The following SLC25A13 variants were observed in gnomAD, a reference collection of about 807,000 sequenced individuals.
SLC25A13 encodes electrogenic aspartate/glutamate antiporter SLC25A13, mitochondrial.
Under a neutral mutation model 85.5 loss-of-function variants are expected in SLC25A13, and 70 were observed. That is an observed-to-expected ratio of 0.82 (90% CI 0.68 to 1.00). The LOEUF is 1.00. SLC25A13 is among the 50% of genes least tolerant of loss of function. The pLI, the probability that SLC25A13 is intolerant of heterozygous loss-of-function variation, is 0.00. For synonymous variants in SLC25A13, 259 were observed against 288.7 expected, an observed-to-expected ratio of 0.90 and a Z score of 1.04; for missense variants, 765 against 819.8, an observed-to-expected ratio of 0.93 and a Z score of 0.82.
chr7:96,157,540 A>C (rs1397386853), intron 13 of SLC25A13, among the ~76,000 whole-genome samples: 1 of 152,190 alleles, frequency 6.6e-6, no homozygotes, highest in Non-Finnish European at 1.5e-5. Flanking sequence ...GCCGTGGCTC[A>C]CACCTGTAAT....
chr7:96,253,298 A>G (rs940848850), intron 3 of SLC25A13, among the ~76,000 whole-genome samples: 12 of 152,184 alleles, frequency 7.9e-5, no homozygotes, highest in African/African-American at 2.9e-4. Context: ...GAGGAAAGGA[A>G]TAAGAGAGGG....
intron 13 of SLC25A13, among the ~76,000 whole-genome samples, chr7:96,153,875 A>G (rs1793144696): frequency 6.6e-6 from 1 of 152,262 alleles, no homozygotes; most frequent in African/African-American, 2.4e-5. Flanking sequence ...TGGCATTAAT[A>G]AAGAATAACT....
At chr7:96,251,900 G>A (rs1797442703) in intron 3 of SLC25A13, among the ~76,000 whole-genome samples, 1 of 152,174 alleles carries the variant, frequency 6.6e-6, no homozygotes, top group Non-Finnish European at 1.5e-5. Flanking sequence ...CTGTGTGTTG[G>A]AAACCAACCT....
chr7:96,289,739 T>A (rs1799040566), intron 2 of SLC25A13, among the ~76,000 whole-genome samples: 1 of 152,110 alleles, frequency 6.6e-6, no homozygotes, highest in Non-Finnish European at 1.5e-5. Flanking sequence ...GAACAAAGCC[T>A]CCAAGAAATA....
intron 3 of SLC25A13, among the ~76,000 whole-genome samples, chr7:96,249,879 C>CAAAAA (rs11368398): frequency 9.0e-6 from 1 of 111,648 alleles, no homozygotes; most frequent in Non-Finnish European, 1.8e-5. Flanking sequence ...CTTAACTTAG[C>CAAAAA]AAAAAAAAAA....
chr7:96,137,864 C>A (rs1156661581), intron 14 of SLC25A13, among the ~76,000 whole-genome samples: 2 of 152,240 alleles, frequency 1.3e-5, no homozygotes, highest in Non-Finnish European at 2.9e-5. Context: ...ACCTTGTGAT[C>A]TGCCCGCCTC....
At chr7:96,202,342 A>G (rs1795290175) in intron 5 of SLC25A13, among the ~76,000 whole-genome samples, 1 of 152,224 alleles carries the variant, frequency 6.6e-6, no homozygotes, top group Non-Finnish European at 1.5e-5. Flanking sequence ...AATGAGGACC[A>G]GAGTAAAACT....
chr7:96,225,263 C>G (rs78942728), intron 4 of SLC25A13, among the ~76,000 whole-genome samples: 2,234 of 152,188 alleles, frequency 0.015, 52 homozygotes, highest in African/African-American at 0.051. Context: ...TCAGGAACAG[C>G]CCAGTGTGCA....
intron 2 of SLC25A13, among the ~76,000 whole-genome samples, chr7:96,292,052 T>C (rs145486274): frequency 6.6e-6 from 1 of 152,080 alleles, no homozygotes; most frequent in East Asian, 1.9e-4. Context: ...CAAACCAAAT[T>C]CAGCAGCACA....
chr7:96,247,513 C>T (rs1364283806), intron 3 of SLC25A13, among the ~76,000 whole-genome samples: 3 of 152,016 alleles, frequency 2.0e-5, no homozygotes, highest in Non-Finnish European at 2.9e-5. Context: ...AAAATGTACT[C>T]GATCCTATAA....
At position 96,274,056 on chromosome 7, in the gene SLC25A13, A is replaced by G. The variant is rs916260606; in HGVS notation, c.212+3140T>C. On this transcript the variant is annotated intron_variant, in intron 3 of 17. Coordinates refer to ENST00000265631, the MANE Select transcript of SLC25A13 (RefSeq NM_014251.3). ...GGTAGAAAACAAAGGTAAGAAGGTT[A>G]AAAAGGAAACCTTCTGCCGCTGGAA... Among the ~76,000 whole-genome samples the G allele has an allele frequency of 5.9e-5, 9 of 152,320 alleles. No individual in the cohort carries two copies. The South Asian group carries it at 1.9e-3, about 32-fold the overall frequency.
At chr7:96,217,623 C>A (rs1795944187) in intron 4 of SLC25A13, among the ~76,000 whole-genome samples, 2 of 152,032 alleles carry the variant, frequency 1.3e-5, no homozygotes, top group South Asian at 4.1e-4. Flanking sequence ...TAAAAGAAAC[C>A]AATCATGAAA....
chr7:96,128,938 T>C lies in SLC25A13; in HGVS notation c.1591+2805A>G, dbSNP rs866616730. 7.0e-4 allele frequency among the ~76,000 whole-genome samples: 22 copies of C among 31,362 alleles called. No individual in the cohort carries two copies. In the East Asian group the frequency reaches 0.012, roughly 17 times the overall value. 20.6% of individuals were successfully genotyped at this position (31,362 alleles called of 152,430 possible). On this transcript the variant is annotated intron_variant, in intron 15 of 17. Coordinates refer to ENST00000265631, the MANE Select transcript of SLC25A13 (RefSeq NM_014251.3). Reference sequence around the variant, plus strand: ...AAGACACTGCAGCTTCTGCCTTGCTTGCTCTCTCTCTCTCTCTCTCTCTCT... The same window carrying C: ...AAGACACTGCAGCTTCTGCCTTGCTCGCTCTCTCTCTCTCTCTCTCTCTCT...
At chr7:96,225,266 AG>A (rs936279004) in intron 4 of SLC25A13, among the ~76,000 whole-genome samples, 1 of 152,152 alleles carries the variant, frequency 6.6e-6, no homozygotes. Context: ...GGAACAGCCC[AG>A]TGTGCAGTGG....
chr7:96,304,018 T>C (rs901076191), intron 1 of SLC25A13, among the ~76,000 whole-genome samples: 2 of 152,096 alleles, frequency 1.3e-5, no homozygotes, highest in Admixed American at 6.5e-5. Flanking sequence ...AAAAGAAAGT[T>C]TGGAATTCCC....
At chr7:96,267,417 A>T (rs191294092) in intron 3 of SLC25A13, among the ~76,000 whole-genome samples, 141 of 152,266 alleles carry the variant, frequency 9.3e-4, no homozygotes, top group African/African-American at 3.3e-3. Context: ...ATATTTCTAA[A>T]CTTTAGATTT....
At chr7:96,134,442 G>A (rs1284081157) in intron 14 of SLC25A13, among the ~76,000 whole-genome samples, 1 of 152,090 alleles carries the variant, frequency 6.6e-6, no homozygotes, top group Non-Finnish European at 1.5e-5. Flanking sequence ...TTAAAAAAAG[G>A]GGGCGAGGGG....
chr7:96,132,439 C>A (rs1439345348), intron 14 of SLC25A13, among the ~76,000 whole-genome samples: 1 of 152,156 alleles, frequency 6.6e-6, no homozygotes, highest in Admixed American at 6.5e-5. Context: ...TACTTACCTG[C>A]CACCCAGGGT....
chr7:96,131,692 G>T (rs765534313), intron 15 of SLC25A13, 51 bp downstream of exon 15: 3 of 1,611,356 alleles, frequency 1.9e-6, no homozygotes, highest in African/African-American at 2.7e-5. Flanking sequence ...AGCTAGGGAA[G>T]GGGGGCAGCA....
Sources: allele counts gnomAD v4.1 joint callset (sites outside exome capture counted in the v4.1 genomes callset), GRCh38; gene constraint gnomAD v4.1.1; transcripts MANE v1.5; gene names NCBI Gene and HGNC (gene_info 2026-07-23, HGNC 2026-07-21).